SH2D4B: variants seen among roughly 807,000 people sequenced by gnomAD.
SH2D4B encodes the protein SH2 domain containing 4B, also known as SH2 domain-containing protein 4B.
Under a neutral mutation model 61.5 loss-of-function variants are expected in SH2D4B, and 45 were observed. That is an observed-to-expected ratio of 0.73 (90% CI 0.58 to 0.94). The LOEUF (loss-of-function observed/expected upper bound fraction) is 0.94, where lower values mean the gene tolerates loss of function less well. SH2D4B is among the 40% of genes least tolerant of loss of function. The pLI, the probability that SH2D4B is intolerant of heterozygous loss-of-function variation, is 0.00. For synonymous variants in SH2D4B, 224 were observed against 220.4 expected (o/e 1.02, Z -0.14); for missense variants, 572 against 574.2 (o/e 1.00, Z 0.04).
chr10:80,586,437 GTC>G (rs1564775601), intron 3 of SH2D4B, among the ~76,000 whole-genome samples: 2 of 151,906 alleles, frequency 1.3e-5, no homozygotes, highest in African/African-American at 2.4e-5. Flanking sequence ...AAACACACCT[GTC>G]AGCACCCTGT....
intron 7 of SH2D4B, among the ~76,000 whole-genome samples, chr10:80,640,693 T>A (rs1840276092): frequency 1.3e-5 from 2 of 152,218 alleles, no homozygotes; most frequent in Admixed American, 1.3e-4. Context: ...ATTTGTCTAA[T>A]CTTTTTTCAA....
rs1564775906 is a variant in SH2D4B at position 80,587,144 on chromosome 10, TTGTTTTG to T, written c.496-1484_496-1478del. ...ATTCCGGCCACGTTTTTTTTTTTTTTTGTTTTGTTTTTTTTTTTTTTTTTGGAGACGC... is the reference window on the plus strand; with the variant it reads ...ATTCCGGCCACGTTTTTTTTTTTTTTTTTTTTTTTTTTTTTTTGGAGACGC... On this transcript the variant is annotated intron_variant, in intron 3 of 7. Coordinates refer to ENST00000646907, the MANE Select transcript of SH2D4B (RefSeq NM_001388272.1). Among the ~76,000 whole-genome samples the T allele has an allele frequency of 1.2e-4, 5 of 42,784 alleles. 1 individual carries two copies. The highest frequency in any genetic ancestry group is 1.9e-4 in the Non-Finnish European group (5 of 25,710). The allele number at this position is 42,784 out of a possible 152,430, so 28.1% of individuals were successfully genotyped here. A position where few individuals can be genotyped will look rare whatever the true frequency, so the allele number is the denominator to read the frequency against.
intron 2 of SH2D4B, among the ~76,000 whole-genome samples, 155 bp downstream of exon 2, chr10:80,570,471 C>T (rs1374405295): frequency 2.6e-5 from 4 of 152,220 alleles, no homozygotes; most frequent in East Asian, 3.9e-4. Flanking sequence ...CCACCCGCTT[C>T]GGCCTCCCAA....
chr10:80,565,531 G>C (rs1053877836), intron 1 of SH2D4B, among the ~76,000 whole-genome samples: 1 of 151,996 alleles, frequency 6.6e-6, no homozygotes. Context: ...TGCTAGCTGG[G>C]ACTAGAGGCA....
intron 6 of SH2D4B, among the ~76,000 whole-genome samples, chr10:80,625,586 T>G (rs1362687622): frequency 1.3e-5 from 2 of 151,226 alleles, no homozygotes; most frequent in Non-Finnish European, 2.9e-5. Flanking sequence ...TTTTTTTCTT[T>G]TTTTGAGACA....
rs1840391422 is a variant in SH2D4B at position 80,646,072 on chromosome 10, T to C, written c.*1987T>C. ...CGGTATGACTGAAAAGGGAGTTTTC[T>C]GTATGGCCGTCACTAGGTTTTTTTG... is the stretch of plus-strand genomic sequence containing the variant. On this transcript the variant is annotated 3_prime_UTR_variant, in exon 8 of 8. Coordinates refer to ENST00000646907, the MANE Select transcript of SH2D4B (RefSeq NM_001388272.1). 6.6e-6 allele frequency: 1 copy of C among 152,664 alleles called. No individual in the cohort carries two copies. The highest frequency in any genetic ancestry group is 2.4e-5 in the African/African-American group (1 of 41,464). 9.5% of individuals were successfully genotyped at this position (152,664 alleles called of 1,614,324 possible). A position where few individuals can be genotyped will look rare whatever the true frequency, so the allele number is the denominator to read the frequency against.
chr10:80,544,657 T>TGGAGCCCTGCAC (rs1564764080), intron 1 of SH2D4B, among the ~76,000 whole-genome samples: 1 of 152,234 alleles, frequency 6.6e-6, no homozygotes, highest in Non-Finnish European at 1.5e-5. Flanking sequence ...GACCCCTGCA[T>TGGAGCCCTGCAC]GGAGCCCTGC....
At chr10:80,570,042 G>C in intron 1 of SH2D4B, 112 bp from the exon 2 acceptor site, 1 of 1,307,058 alleles carries the variant, frequency 7.7e-7, no homozygotes, top group Non-Finnish European at 1.1e-6. Flanking sequence ...TCTTTTTGTG[G>C]ATGACAATGT....
chr10:80,544,216 A>T (rs1464787566), intron 1 of SH2D4B, among the ~76,000 whole-genome samples: 6 of 152,128 alleles, frequency 3.9e-5, no homozygotes, highest in African/African-American at 1.2e-4. Flanking sequence ...GCCCACGGGG[A>T]AGAATGAACA....
At chr10:80,637,306 T>G (rs1173185532) in intron 7 of SH2D4B, among the ~76,000 whole-genome samples, 3 of 152,310 alleles carry the variant, frequency 2.0e-5, no homozygotes, top group African/African-American at 7.2e-5. Flanking sequence ...TTAAAGTGGT[T>G]TTTTCCAATT....
Position 80,540,833 on chromosome 10 carries a change from G to A in SH2D4B, c.184+2318G>A, listed in dbSNP as rs1304100115. 26 of 1,550,592 alleles carry A rather than the reference G, an allele frequency of 1.7e-5. No individual in the cohort carries two copies. In the South Asian group the frequency reaches 2.0e-4, roughly 12 times the overall value. ...AGGCTTGGTTCAAAGCAGCCGTGCC[G>A]TGTCCCAGGGCGGGAATTGTGCGGG... On this transcript the variant is annotated intron_variant, in intron 1 of 7. Coordinates refer to ENST00000646907, the MANE Select transcript of SH2D4B (RefSeq NM_001388272.1).
chr10:80,608,533 C>T (rs568095464), intron 5 of SH2D4B, among the ~76,000 whole-genome samples: 1 of 152,322 alleles, frequency 6.6e-6, no homozygotes, highest in Non-Finnish European at 1.5e-5. Context: ...TTCAGTGTAG[C>T]CCGAGTGCAG....
chr10:80,605,750 C>G (rs753751591), intron 5 of SH2D4B, among the ~76,000 whole-genome samples: 10 of 152,166 alleles, frequency 6.6e-5, no homozygotes, highest in Non-Finnish European at 1.5e-4. Flanking sequence ...AACTCCTGAC[C>G]TCAGGTGATC....
chr10:80,562,028 T>TACACACAC (rs150356380), intron 1 of SH2D4B, among the ~76,000 whole-genome samples: 2,162 of 144,468 alleles, frequency 0.015, 48 homozygotes, highest in African/African-American at 0.052. Context: ...CTCTTCCAAT[T>TACACACAC]ACACACACAC....
In SH2D4B at chr10:80,634,235, G is replaced by A. The variant is rs185441170; in HGVS notation, c.989-50G>A. The A allele has an allele frequency of 1.0e-4, 150 of 1,473,900 alleles. No individual in the cohort carries two copies. The African/African-American group carries it at 1.9e-3, about 19-fold the overall frequency. 91.3% of individuals were successfully genotyped at this position (1,473,900 alleles called of 1,614,324 possible). ...GGAGGAGTGGAGAATCGTGGGGGAG[G>A]CAGTCGCAGAACCTGCTGTGTTTTT... On this transcript the variant is annotated intron_variant, in intron 6 of 7. Transcript: ENST00000646907.
At chr10:80,565,873 G>A (rs1841960063) in intron 1 of SH2D4B, among the ~76,000 whole-genome samples, 1 of 151,828 alleles carries the variant, frequency 6.6e-6, no homozygotes, top group African/African-American at 2.4e-5. Flanking sequence ...GGCGGATCAC[G>A]AGGTCAGGAG....
At chr10:80,556,950 GA>G (rs1349490699) in intron 1 of SH2D4B, among the ~76,000 whole-genome samples, 1 of 152,080 alleles carries the variant, frequency 6.6e-6, no homozygotes, top group African/African-American at 2.4e-5. Flanking sequence ...TAGATATGGA[GA>G]GAGCTAACAA....
At chr10:80,643,134 T>G (rs1476106947) in intron 7 of SH2D4B, 1 of 152,672 alleles carries the variant, frequency 6.5e-6, no homozygotes, top group Non-Finnish European at 1.5e-5. Flanking sequence ...TTCTTTCAGC[T>G]GCTGAATTGC....
In SH2D4B at chr10:80,603,637, CGAGT is replaced by C; in HGVS notation, c.703_706del (p.Glu235ThrfsTer109). The C allele has an allele frequency of 6.3e-7, 1 of 1,598,666 alleles. No individual in the cohort carries two copies. Among genetic ancestry groups the C allele is most frequent in the Non-Finnish European group, 8.5e-7 (1 of 1,173,368 alleles). On this transcript the variant is annotated frameshift_variant, in exon 5 of 8. Transcript: ENST00000646907. LOFTEE classifies it high-confidence loss of function. Reference sequence around the variant, plus strand: ...GCCGCCGAGCCCAGCGCGCCCGGGACGAGTACCGACACCACTCGCTCCGTGCTAT... The same window carrying C: ...GCCGCCGAGCCCAGCGCGCCCGGGACACCGACACCACTCGCTCCGTGCTAT...
Sources: gnomAD v4.1 joint callset for allele counts (sites outside exome capture counted in the v4.1 genomes callset) on GRCh38, gnomAD v4.1.1 for gene constraint, MANE v1.5 for transcripts, NCBI Gene and HGNC (gene_info 2026-07-23, HGNC 2026-07-21) for gene names.